PLD1: variants seen among roughly 807,000 people sequenced by gnomAD.
The protein encoded by PLD1 is phospholipase D1.
In PLD1, 112 loss-of-function variants were observed where a neutral mutation model predicts 137.1. That is an observed-to-expected ratio of 0.82 (90% confidence interval 0.70 to 0.96). The LOEUF (loss-of-function observed/expected upper bound fraction) is 0.96, where lower values mean the gene tolerates loss of function less well. Among genes scored for constraint, PLD1 ranks in the 40% least tolerant of loss-of-function variants. PLD1 has a pLI of 0.00. For missense variants in PLD1, 1,321 were observed against 1,342.0 expected (o/e 0.98, Z 0.24); for synonymous variants, 431 against 454.7 (o/e 0.95, Z 0.66).
intron 1 of PLD1, among the ~76,000 whole-genome samples, chr3:171,782,583 G>A (rs552011814): frequency 6.6e-6 from 1 of 152,272 alleles, no homozygotes. Context: ...AAGCAATAAA[G>A]CAAACTATTG....
intron 16 of PLD1, among the ~76,000 whole-genome samples, chr3:171,684,166 A>G (rs111975396): frequency 0.014 from 2,148 of 152,288 alleles, 48 homozygotes; most frequent in African/African-American, 0.045. Flanking sequence ...AACCTGGGGT[A>G]GGCGTGAGTT....
intron 5 of PLD1, 22 bp downstream of exon 5, chr3:171,734,843 A>G (rs1275701898): frequency 2.7e-6 from 4 of 1,473,550 alleles, no homozygotes; most frequent in Non-Finnish European, 2.9e-6. Flanking sequence ...GTTTAAAACC[A>G]CAGAATAGTG....
At chr3:171,713,868 T>A (rs1352739790) in intron 9 of PLD1, 25 bp downstream of exon 9, 1 of 1,582,544 alleles carries the variant, frequency 6.3e-7, no homozygotes, top group Non-Finnish European at 8.6e-7. Context: ...TGTAGAAATC[T>A]TTTTTAAATA....
At chr3:171,712,431 TAAGACATTATCACA>T (rs1717337362) in intron 9 of PLD1, among the ~76,000 whole-genome samples, 1 of 152,050 alleles carries the variant, frequency 6.6e-6, no homozygotes, top group African/African-American at 2.4e-5. Context: ...AGTAACAAGA[TAAGACATTATCACA>T]GGATGTGAGT....
At chr3:171,682,293 A>C (rs964482175) in intron 16 of PLD1, among the ~76,000 whole-genome samples, 1 of 152,204 alleles carries the variant, frequency 6.6e-6, no homozygotes, top group African/African-American at 2.4e-5. Flanking sequence ...AGTGATTTTG[A>C]AAAACATATA....
intron 1 of PLD1, among the ~76,000 whole-genome samples, chr3:171,785,810 G>A (rs570408408): frequency 1.1e-3 from 161 of 152,330 alleles, no homozygotes; most frequent in African/African-American, 3.7e-3. Context: ...ATAACCACGT[G>A]TGGCTAGGGG....
At chr3:171,623,401 G>A (rs571983420) in intron 23 of PLD1, among the ~76,000 whole-genome samples, 211 of 146,342 alleles carry the variant, frequency 1.4e-3, no homozygotes, top group African/African-American at 5.0e-3. Flanking sequence ...TGCAAGCTCC[G>A]CCTCCCGGGT....
chr3:171,702,530 C>G (rs905742465), intron 11 of PLD1, among the ~76,000 whole-genome samples: 3 of 150,806 alleles, frequency 2.0e-5, no homozygotes, highest in African/African-American at 7.3e-5. Flanking sequence ...ACTATAGGGC[C>G]TAGAGGCATT....
intron 21 of PLD1, chr3:171,653,355 A>C (rs1736936994): frequency 6.6e-6 from 1 of 152,264 alleles, no homozygotes; most frequent in South Asian, 2.1e-4. Context: ...ATACTAAACT[A>C]AACACATATT....
At chr3:171,721,442 G>A (rs1718121667) in intron 8 of PLD1, 1 of 152,322 alleles carries the variant, frequency 6.6e-6, no homozygotes. Flanking sequence ...CCCAACTGAG[G>A]AGGATGGGGC....
chr3:171,803,362 T>C (rs1344252635), intron 1 of PLD1, among the ~76,000 whole-genome samples: 1 of 152,102 alleles, frequency 6.6e-6, no homozygotes, highest in Non-Finnish European at 1.5e-5. Flanking sequence ...GAAAGAAAGA[T>C]GGGGTGGAGA....
At chr3:171,712,886 A>T (rs1435815288) in intron 9 of PLD1, among the ~76,000 whole-genome samples, 1 of 152,198 alleles carries the variant, frequency 6.6e-6, no homozygotes, top group Non-Finnish European at 1.5e-5. Flanking sequence ...ATTCTCATAG[A>T]ATATCATCAG....
intron 16 of PLD1, among the ~76,000 whole-genome samples, chr3:171,680,514 G>A (rs113591576): frequency 0.029 from 4,357 of 152,008 alleles, 153 homozygotes; most frequent in African/African-American, 0.084. Context: ...GATTACAGGC[G>A]TGAGCCACCA....
In PLD1 at chr3:171,734,945, T is replaced by G. The variant is rs147370952; in HGVS notation, c.460A>C (p.Arg154=). 1 of 1,612,640 alleles carries G rather than the reference T, an allele frequency of 6.2e-7. No individual in the cohort carries two copies. The highest frequency in any genetic ancestry group is 1.3e-5 in the African/African-American group (1 of 75,004). Reference sequence around the variant, plus strand: ...CTGGGCATCTCTCGAGGCTCCTCTCTGACGTTTTGCCTCCTAAACGTGTGT... The same window carrying G: ...CTGGGCATCTCTCGAGGCTCCTCTCGGACGTTTTGCCTCCTAAACGTGTGT... ...RRHTFRRQNV[R]EEPREMPSLP... Residue 154 remains arginine (R), a synonymous_variant, in exon 5 of 27, where the codon AGA becomes CGA. Transcript: ENST00000351298.
At chr3:171,666,566 T>G (rs1407676789) in intron 19 of PLD1, among the ~76,000 whole-genome samples, 1 of 152,258 alleles carries the variant, frequency 6.6e-6, no homozygotes, top group East Asian at 1.9e-4. Context: ...TTTTGTTTTA[T>G]TTTTTCACCT....
intron 21 of PLD1, among the ~76,000 whole-genome samples, chr3:171,650,867 C>G (rs1347226199): frequency 6.6e-6 from 1 of 151,868 alleles, no homozygotes; most frequent in Non-Finnish European, 1.5e-5. Context: ...GCACTGCACT[C>G]CAGCAGCCCG....
chr3:171,609,507 AACACACACACACACACAC>A (rs371080467), intron 25 of PLD1, among the ~76,000 whole-genome samples: 2,240 of 136,956 alleles, frequency 0.016, 42 homozygotes, highest in African/African-American at 0.042. Context: ...ACATAAAGAA[AACACACACACACACACAC>A]ACACACACAC....
intron 25 of PLD1, among the ~76,000 whole-genome samples, chr3:171,609,507 AACACACACACACACACACAC>A (rs371080467): frequency 6.6e-5 from 9 of 136,864 alleles, no homozygotes; most frequent in Non-Finnish European, 9.4e-5. Context: ...ACATAAAGAA[AACACACACACACACACACAC>A]ACACACACAC....
chr3:171,612,466 C>T lies in PLD1; in HGVS notation c.2729-34G>A, dbSNP rs1240384677. 6.2e-7 allele frequency: 1 copy of T among 1,603,974 alleles called. No homozygotes were observed. Among genetic ancestry groups the T allele is most frequent in the South Asian group, 1.1e-5 (1 of 90,692 alleles). On this transcript the variant is annotated intron_variant, in intron 24 of 26. Transcript: ENST00000351298. This position sits in a 1 kb window ranked among gnomAD's most constrained non-coding sequence, Gnocchi z 4.1. ...AGAAACAGTGAGGCTGAACAACCTTCCTGTTGTGGCAGACACTGTTGGTTG... is the reference window on the plus strand; with the variant it reads ...AGAAACAGTGAGGCTGAACAACCTTTCTGTTGTGGCAGACACTGTTGGTTG...
Sources: allele counts gnomAD v4.1 joint callset (sites outside exome capture counted in the v4.1 genomes callset), GRCh38; gene constraint gnomAD v4.1.1; non-coding constraint Gnocchi (gnomAD v3.1); transcripts MANE v1.5; gene names NCBI Gene and HGNC (gene_info 2026-07-23, HGNC 2026-07-21).